NOTCH2: variants seen among roughly 807,000 people sequenced by gnomAD.
The protein encoded by NOTCH2 is notch receptor 2.
In NOTCH2, 29 loss-of-function variants were observed where a neutral mutation model predicts 235.8. That is an observed-to-expected ratio of 0.12 (90% CI 0.09 to 0.17). NOTCH2 has a LOEUF of 0.17. Among genes scored for constraint, NOTCH2 ranks in the 10% least tolerant of loss-of-function variants. The probability of loss-of-function intolerance (pLI) is 1.00; values close to 1 mark genes in which losing one functional copy is unlikely to be tolerated. For missense variants in NOTCH2, 2,285 were observed against 3,150.2 expected (o/e 0.73, Z 6.57); for synonymous variants, 1,086 against 1,141.5 (o/e 0.95, Z 0.98).
chr1:120,048,017 T>C (rs1654865285), intron 1 of NOTCH2, among the ~76,000 whole-genome samples: 1 of 151,872 alleles, frequency 6.6e-6, no homozygotes, highest in Admixed American at 6.6e-5. Context: ...CCGCCTGCCT[T>C]GGCCTCCCAA....
intron 2 of NOTCH2, among the ~76,000 whole-genome samples, chr1:120,027,569 A>T (rs1413097714): frequency 1.3e-5 from 2 of 151,220 alleles, no homozygotes; most frequent in African/African-American, 4.9e-5. Flanking sequence ...TCAACCCGTC[A>T]TCCAGGTTTT....
At chr1:120,065,469 G>A (rs1655471007) in intron 1 of NOTCH2, among the ~76,000 whole-genome samples, 1 of 152,158 alleles carries the variant, frequency 6.6e-6, no homozygotes, top group African/African-American at 2.4e-5. Context: ...GTGCACATAA[G>A]CGCATTTGTA....
rs587653250 is a variant in NOTCH2, at chr1:119,912,587, CA to C, written c.*2718del. 8.2e-5 allele frequency: 19 copies of C among 232,664 alleles called. No individual in the cohort carries two copies. The highest frequency in any genetic ancestry group is 1.7e-4 in the Admixed American group (3 of 17,772). The allele number at this position is 232,664 out of a possible 1,614,324, so 14.4% of individuals were successfully genotyped here. On this transcript the variant is annotated 3_prime_UTR_variant, in exon 34 of 34. Coordinates refer to ENST00000256646, the MANE Select transcript of NOTCH2 (RefSeq NM_024408.4). Reference sequence around the variant, plus strand: ...AAAACAGAGGAAGCAAATAAACAAACAAAAAAACCTATCCCCAAAGGCAGGC... The same window carrying C: ...AAAACAGAGGAAGCAAATAAACAAACAAAAAACCTATCCCCAAAGGCAGGC...
intron 4 of NOTCH2, 39 bp from the exon 5 acceptor site, chr1:119,987,121 T>C (rs782499072): frequency 1.9e-6 from 3 of 1,612,094 alleles, no homozygotes; most frequent in African/African-American, 1.3e-5. Context: ...TGAAATCTCA[T>C]ACAGAAGAAA....
At chr1:119,989,201 C>T (rs1488647357) in intron 4 of NOTCH2, among the ~76,000 whole-genome samples, 1 of 152,074 alleles carries the variant, frequency 6.6e-6, no homozygotes, top group African/African-American at 2.4e-5. Context: ...TTAACAGGAC[C>T]CACCTTAAAT....
intron 12 of NOTCH2, 133 bp from the exon 13 acceptor site, chr1:119,955,365 T>C: frequency 7.2e-6 from 6 of 829,284 alleles, no homozygotes; most frequent in South Asian, 1.4e-5. Context: ...AATGTCAAGA[T>C]GTAAGGAATT....
At chr1:119,935,657 G>A in intron 21 of NOTCH2, 53 bp from the exon 22 acceptor site, 2 of 1,595,888 alleles carry the variant, frequency 1.3e-6, no homozygotes, top group Admixed American at 1.7e-5. Flanking sequence ...ACTGGAAACA[G>A]ACCATGAGAG....
chr1:119,959,539 A>G (rs1553198780), intron 11 of NOTCH2, 37 bp from the exon 12 acceptor site: 1 of 1,125,404 alleles, frequency 8.9e-7, no homozygotes, highest in South Asian at 1.2e-5. Context: ...ATTCAATGTT[A>G]CCACAGAAAT....
chr1:119,947,442 A>C (rs1650300805), intron 17 of NOTCH2, among the ~76,000 whole-genome samples: 1 of 152,194 alleles, frequency 6.6e-6, no homozygotes, highest in Non-Finnish European at 1.5e-5. Context: ...AGAATAATAC[A>C]AATTAAAATC....
At chr1:120,047,957 G>A (rs1379741222) in intron 1 of NOTCH2, among the ~76,000 whole-genome samples, 13 of 149,028 alleles carry the variant, frequency 8.7e-5, no homozygotes, top group Non-Finnish European at 7.4e-5. Context: ...CCGTAGAGAC[G>A]GGGTTTTGCC....
At chr1:119,954,961 T>C in intron 13 of NOTCH2, 79 bp downstream of exon 13, 1 of 1,444,862 alleles carries the variant, frequency 6.9e-7, no homozygotes. Context: ...ATTTGACAAC[T>C]TCAGGCTGTC....
At chr1:119,953,889 T>C (rs1468966630) in intron 13 of NOTCH2, among the ~76,000 whole-genome samples, 11 of 152,206 alleles carry the variant, frequency 7.2e-5, no homozygotes, top group African/African-American at 2.4e-4. Flanking sequence ...CTTGGTGCTT[T>C]CCTGGCTCAC....
chr1:119,967,992 C>T (rs1320996555), intron 7 of NOTCH2, 85 bp downstream of exon 7: 1 of 1,502,114 alleles, frequency 6.7e-7, no homozygotes, highest in Non-Finnish European at 9.3e-7. Flanking sequence ...ATGTAATTTG[C>T]TTCTACAGTA....
At chr1:119,987,778 C>G (rs1652076851) in intron 4 of NOTCH2, among the ~76,000 whole-genome samples, 1 of 152,126 alleles carries the variant, frequency 6.6e-6, no homozygotes, top group Non-Finnish European at 1.5e-5. Context: ...AATTGGGTGG[C>G]ATTATTACTA....
At chr1:120,051,271 A>ACACG (rs57842784) in intron 1 of NOTCH2, among the ~76,000 whole-genome samples, 6 of 102,988 alleles carry the variant, frequency 5.8e-5, no homozygotes, top group African/African-American at 2.4e-4. Flanking sequence ...ACACACACAC[A>ACACG]CACGCACACA....
At chr1:120,039,435 G>A (rs1439833561) in intron 1 of NOTCH2, among the ~76,000 whole-genome samples, 1 of 145,200 alleles carries the variant, frequency 6.9e-6, no homozygotes, top group Non-Finnish European at 1.5e-5. Flanking sequence ...TTGAGATGGA[G>A]TCTCGCTCTG....
intron 22 of NOTCH2, among the ~76,000 whole-genome samples, chr1:119,933,165 T>G (rs1204512230): frequency 1.3e-5 from 2 of 152,210 alleles, no homozygotes; most frequent in Non-Finnish European, 2.9e-5. Flanking sequence ...ATCTATCAAC[T>G]GAGAGAGAAC....
chr1:119,970,884 T>C (rs908509293), intron 5 of NOTCH2, among the ~76,000 whole-genome samples: 2 of 152,234 alleles, frequency 1.3e-5, no homozygotes, highest in Non-Finnish European at 2.9e-5. Flanking sequence ...TCCTTCATTC[T>C]TCCTTTGTAA....
chr1:119,927,492 T>A (rs1557807715), intron 23 of NOTCH2, among the ~76,000 whole-genome samples: 1 of 152,018 alleles, frequency 6.6e-6, no homozygotes, highest in African/African-American at 2.4e-5. Context: ...TGCAACAGCA[T>A]CCCACAATAA....
Sources: allele counts gnomAD v4.1 joint callset (sites outside exome capture counted in the v4.1 genomes callset), GRCh38; gene constraint gnomAD v4.1.1; transcripts MANE v1.5; gene names NCBI Gene and HGNC (gene_info 2026-07-23, HGNC 2026-07-21).